CYLC2: variants seen among roughly 807,000 people sequenced by gnomAD.
CYLC2 encodes cylicin-2.
A neutral mutation model predicts 26.1 loss-of-function variants in CYLC2; 30 were observed. That is an observed-to-expected ratio of 1.15 (90% CI 0.86 to 1.56). The LOEUF is 1.56. CYLC2 is among the 40% of genes most tolerant of loss of function. CYLC2 has a pLI of 0.00. For missense variants in CYLC2, 498 were observed against 394.4 expected (o/e 1.26, Z -2.23); for synonymous variants, 158 against 132.8 (o/e 1.19, Z -1.31).
At chr9:103,014,453 A>T (rs1267710061) in intron 6 of CYLC2, among the ~76,000 whole-genome samples, 1 of 129,024 alleles carries the variant, frequency 7.8e-6, no homozygotes, top group African/African-American at 2.7e-5. Context: ...AATATACATA[A>T]TGTATATTAC....
At chr9:103,015,347 T>C (rs1348918251) in intron 6 of CYLC2, among the ~76,000 whole-genome samples, 1 of 128,568 alleles carries the variant, frequency 7.8e-6, no homozygotes, top group East Asian at 2.1e-4. Flanking sequence ...ATGTTATATA[T>C]ATTATATATA....
chr9:102,995,784 C>A (rs1483087019), intron 1 of CYLC2, among the ~76,000 whole-genome samples: 1 of 151,720 alleles, frequency 6.6e-6, no homozygotes, highest in Non-Finnish European at 1.5e-5. Context: ...AGGAGTGTGA[C>A]TGAATTTTAG....
chr9:103,013,664 T>C (rs1221978345), intron 6 of CYLC2, among the ~76,000 whole-genome samples: 3 of 112,704 alleles, frequency 2.7e-5, no homozygotes, highest in African/African-American at 1.1e-4. Context: ...AAATATATTA[T>C]ATTAAATAAT....
At position 103,005,184 on chromosome 9, in the gene CYLC2, G is replaced by T; in HGVS notation, c.553G>T (p.Ala185Ser). The change falls in exon 5 of 8, where the codon GCA becomes TCA. Residue 185 changes from alanine to serine, a missense_variant. Ala to Ser is a moderately conservative substitution (Grantham distance 99, BLOSUM62 1). Transcript: ENST00000374798. Reference sequence around the variant, plus strand: ...AGAATCTGAAGATGAAAAAGGAGGTGCAAAGAAAGATAACAAAAAAGATAA... The same window carrying T: ...AGAATCTGAAGATGAAAAAGGAGGTTCAAAGAAAGATAACAAAAAAGATAA... Reference protein sequence around the residue: ...ATESEDEKGGAKKDNKKDKKD... With the variant: ...ATESEDEKGGSKKDNKKDKKD... 1 of 1,606,628 alleles carries T rather than the reference G, an allele frequency of 6.2e-7. No homozygotes were observed. Among genetic ancestry groups the T allele is most frequent in the Non-Finnish European group, 8.5e-7 (1 of 1,178,070 alleles).
chr9:102,997,053 T>C (rs1258111545), intron 1 of CYLC2, among the ~76,000 whole-genome samples: 1 of 151,936 alleles, frequency 6.6e-6, no homozygotes. Context: ...GTATATTTTA[T>C]GTTTTTCTCT....
rs200718750 is a variant in CYLC2, at chr9:103,004,854, A to T, written c.337+3A>T. The T allele has an allele frequency of 1.9e-6, 3 of 1,605,792 alleles. No homozygotes were observed. The highest frequency in any genetic ancestry group is 2.5e-6 in the Non-Finnish European group (3 of 1,177,952). On this transcript the variant is annotated splice_donor_region_variant and intron_variant, in intron 4 of 7. Transcript: ENST00000374798. The stretch of plus-strand genomic sequence containing the variant: ...CGAGGTGGATTCTAAAGCAGCAGGT[A>T]GAGATAACTTACTGTTTTTATAGTA...
chr9:103,014,413 TG>T lies in CYLC2; in HGVS notation c.*816+2317del, dbSNP rs201589718. On this transcript the variant is annotated intron_variant, in intron 6 of 7. Coordinates refer to ENST00000374798, the MANE Select transcript of CYLC2 (RefSeq NM_001340.5). ...ATATAACATAATGTATGTTACGTAA[TG>T]TAACATAATAACATAATGTATATTA... is the stretch of plus-strand genomic sequence containing the variant. Among the ~76,000 whole-genome samples, 1,365 of 73,492 alleles carry T rather than the reference TG, an allele frequency of 0.019. 108 individuals are homozygous for T. In the East Asian group the frequency reaches 0.46, roughly 25 times the overall value. 48.2% of individuals were successfully genotyped at this position (73,492 alleles called of 152,430 possible).
Position 103,013,360 on chromosome 9 carries a change from A to AT in CYLC2, c.*816+1263_*816+1264insT, listed in dbSNP as rs1564100497. ...TATATTATATAAATATATATTATAT[A>AT]AATATATATTTAATATATTATATAA... On this transcript the variant is annotated intron_variant, in intron 6 of 7. Coordinates refer to ENST00000374798, the MANE Select transcript of CYLC2 (RefSeq NM_001340.5). Among the ~76,000 whole-genome samples the AT allele has an allele frequency of 2.6e-4, 4 of 15,464 alleles. 1 individual carries two copies. Among genetic ancestry groups the AT allele is most frequent in the Non-Finnish European group, 3.7e-4 (3 of 8,188 alleles). The allele number at this position is 15,464 out of a possible 152,430, so 10.1% of individuals were successfully genotyped here.
intron 6 of CYLC2, among the ~76,000 whole-genome samples, chr9:103,012,511 T>A (rs749446558): frequency 6.6e-6 from 1 of 152,078 alleles, no homozygotes; most frequent in Non-Finnish European, 1.5e-5. Context: ...ACAGTTTTTA[T>A]AATTATTCTT....
intron 1 of CYLC2, among the ~76,000 whole-genome samples, chr9:102,997,486 C>A (rs1444079451): frequency 6.6e-6 from 1 of 151,898 alleles, no homozygotes; most frequent in African/African-American, 2.4e-5. Flanking sequence ...AATCCTGGGG[C>A]AGTTGACCTT....
At chr9:103,013,203 A>G (rs149569802) in intron 6 of CYLC2, among the ~76,000 whole-genome samples, 25,118 of 71,578 alleles carry the variant, frequency 0.35, 2,779 homozygotes, top group South Asian at 0.49. Flanking sequence ...TAACATATTA[A>G]TGTTATATAT....
Position 103,005,305 on chromosome 9 carries a change from A to G in CYLC2, c.674A>G (p.Lys225Arg). 1 of 1,613,812 alleles carries G rather than the reference A, an allele frequency of 6.2e-7. No individual in the cohort carries two copies. Among genetic ancestry groups the G allele is most frequent in the Non-Finnish European group, 8.5e-7 (1 of 1,179,926 alleles). Residue 225 changes from lysine (K) to arginine (R), a missense_variant, in exon 5 of 8, where the codon AAG (lysine) becomes AGG (arginine). By Grantham distance (26) the Lys-to-Arg change is conservative. Transcript: ENST00000374798. ...KDSKKGKKDSKKGKDSAIELQ... is the reference protein window; with the variant it reads ...KDSKKGKKDSRKGKDSAIELQ... ...AGCAAAAAAGGTAAAAAGGATTCAA[A>G]GAAGGGCAAGGATTCAGCCATAGAA...
At chr9:103,014,599 T>TATACATCATATGTATATTAC (rs1564101263) in intron 6 of CYLC2, among the ~76,000 whole-genome samples, 34 of 99,742 alleles carry the variant, frequency 3.4e-4, no homozygotes, top group Non-Finnish European at 3.9e-4. Flanking sequence ...ATGTATATTA[T>TATACATCATATGTATATTAC]GCAGTATACA....
intron 6 of CYLC2, among the ~76,000 whole-genome samples, chr9:103,015,114 C>T (rs866626410): frequency 4.4e-4 from 14 of 31,694 alleles, no homozygotes; most frequent in Non-Finnish European, 6.4e-4. Flanking sequence ...ATATACATAA[C>T]ATGTATATCA....
intron 1 of CYLC2, among the ~76,000 whole-genome samples, chr9:103,000,367 C>T (rs938956634): frequency 6.6e-6 from 1 of 151,812 alleles, no homozygotes; most frequent in East Asian, 1.9e-4. Context: ...TTGAAAATAT[C>T]AAGTTTAATA....
At chr9:102,996,381 G>C (rs973720451) in intron 1 of CYLC2, among the ~76,000 whole-genome samples, 1 of 151,752 alleles carries the variant, frequency 6.6e-6, no homozygotes, top group Non-Finnish European at 1.5e-5. Context: ...TTGTTATCAT[G>C]AGCATCAAAT....
intron 6 of CYLC2, among the ~76,000 whole-genome samples, chr9:103,012,540 T>A (rs1829418524): frequency 1.3e-5 from 2 of 152,060 alleles, no homozygotes; most frequent in Admixed American, 6.6e-5. Flanking sequence ...AATTCAAATG[T>A]AAGTTCTTCA....
chr9:103,017,827 A>G (rs1236968563), intron 7 of CYLC2, among the ~76,000 whole-genome samples: 1 of 151,906 alleles, frequency 6.6e-6, no homozygotes, highest in African/African-American at 2.4e-5. Flanking sequence ...TTTCTTCTCA[A>G]GCCTCTCTCC....
Position 103,005,322 on chromosome 9 carries a change from GC to G in CYLC2, c.693del (p.Ile232Ter), listed in dbSNP as rs755312443. On this transcript the variant is annotated frameshift_variant, in exon 5 of 8. Coordinates refer to ENST00000374798, the MANE Select transcript of CYLC2 (RefSeq NM_001340.5). LOFTEE classifies it low-confidence loss of function (END_TRUNC). Reference protein sequence around the residue: ...KKDSKKGKDSAIELQAVKADE... With the variant: ...KKDSKKGKDSXIELQAVKADE... The stretch of plus-strand genomic sequence containing the variant: ...GGATTCAAAGAAGGGCAAGGATTCA[GC>G]CATAGAATTACAAGCTGTAAAAGCA... The G allele has an allele frequency of 1.2e-5, 19 of 1,613,680 alleles. No individual in the cohort carries two copies. In the Middle Eastern group the frequency reaches 4.9e-4, roughly 42 times the overall value.
Sources: gnomAD v4.1 joint callset for allele counts (sites outside exome capture counted in the v4.1 genomes callset) on GRCh38, gnomAD v4.1.1 for gene constraint, MANE v1.5 for transcripts, NCBI Gene and HGNC (gene_info 2026-07-23, HGNC 2026-07-21) for gene names.